The following PHYHIPL variants were observed in gnomAD, a reference collection of about 807,000 sequenced individuals.
PHYHIPL encodes phytanoyl-CoA 2-hydroxylase interacting protein like, also known as phytanoyl-CoA hydroxylase-interacting protein-like.
A neutral mutation model predicts 33.4 loss-of-function variants in PHYHIPL; 9 were observed. The observed-to-expected ratio is 0.27, with a 90% CI of 0.16 to 0.47. The LOEUF (loss-of-function observed/expected upper bound fraction) is 0.47, where lower values mean the gene tolerates loss of function less well. Ranked by LOEUF, PHYHIPL falls within the 20% of genes least tolerant of loss-of-function variation. The probability of loss-of-function intolerance (pLI) is 0.99; values close to 1 mark genes in which losing one functional copy is unlikely to be tolerated. For missense variants in PHYHIPL, 365 were observed against 460.7 expected, an observed-to-expected ratio of 0.79 and a Z score of 1.90; for synonymous variants, 153 against 154.1, an observed-to-expected ratio of 0.99 and a Z score of 0.05.
intron 1 of PHYHIPL, among the ~76,000 whole-genome samples, chr10:59,200,518 CTTTT>C (rs1486553484): frequency 6.6e-6 from 1 of 152,062 alleles, no homozygotes; most frequent in African/African-American, 2.4e-5. Flanking sequence ...CTGAAATTCT[CTTTT>C]TTGATTTTGT....
chr10:59,194,509 G>A (rs1258285257), intron 1 of PHYHIPL, among the ~76,000 whole-genome samples: 1 of 152,076 alleles, frequency 6.6e-6, no homozygotes, highest in African/African-American at 2.4e-5. Context: ...TAATGTGTGT[G>A]TATTTATTTT....
chr10:59,187,300 C>T (rs1187398325), intron 1 of PHYHIPL, among the ~76,000 whole-genome samples: 3 of 152,176 alleles, frequency 2.0e-5, no homozygotes, highest in Non-Finnish European at 2.9e-5. Context: ...AGCCTTGCAT[C>T]CCAGGGATGA....
intron 3 of PHYHIPL, 140 bp from the exon 4 acceptor site, chr10:59,238,448 T>G: frequency 2.2e-6 from 1 of 453,256 alleles, no homozygotes; most frequent in East Asian, 3.2e-5. Flanking sequence ...ACAATGAATA[T>G]TTTCTTTTTT....
At chr10:59,177,031 C>T in intron 1 of PHYHIPL, 72 bp downstream of exon 1, 1 of 1,318,498 alleles carries the variant, frequency 7.6e-7, no homozygotes, top group East Asian at 2.4e-5. Context: ...CTGGCTCCGC[C>T]GACGCCGCTC....
chr10:59,232,433 A>G (rs1427190040), intron 1 of PHYHIPL, among the ~76,000 whole-genome samples: 2 of 151,836 alleles, frequency 1.3e-5, no homozygotes, highest in Non-Finnish European at 3.0e-5. Context: ...TTCGCTTATA[A>G]TAACAGTAAC....
intron 1 of PHYHIPL, among the ~76,000 whole-genome samples, chr10:59,230,373 C>A (rs556256137): frequency 5.5e-4 from 84 of 152,092 alleles, no homozygotes; most frequent in African/African-American, 1.8e-3. Context: ...GCCACCACAT[C>A]TGGCTAATTT....
At chr10:59,198,036 A>G (rs1205833416) in intron 1 of PHYHIPL, among the ~76,000 whole-genome samples, 1 of 151,852 alleles carries the variant, frequency 6.6e-6, no homozygotes, top group Non-Finnish European at 1.5e-5. Flanking sequence ...TTTTTTAAGT[A>G]TTTCTAAAGC....
At chr10:59,187,228 G>GT (rs1438233270) in intron 1 of PHYHIPL, among the ~76,000 whole-genome samples, 1 of 152,102 alleles carries the variant, frequency 6.6e-6, no homozygotes, top group Non-Finnish European at 1.5e-5. Flanking sequence ...TAATCATGTG[G>GT]TTTTTATCTT....
Position 59,177,480 on chromosome 10 carries a change from C to A in PHYHIPL, c.106+521C>A, listed in dbSNP as rs1413624988. Reference sequence around the variant, plus strand: ...GCCTCTTGGATTGGGATTAGGATGACAGTTTTTCAGTGAGGGCGCAGAAAA... The same window carrying A: ...GCCTCTTGGATTGGGATTAGGATGAAAGTTTTTCAGTGAGGGCGCAGAAAA... On this transcript the variant is annotated intron_variant, in intron 1 of 4. Coordinates refer to ENST00000373880, the MANE Select transcript of PHYHIPL (RefSeq NM_032439.4). 4.5e-6 allele frequency: 7 copies of A among 1,547,672 alleles called. No individual in the cohort carries two copies. In the South Asian group the frequency reaches 8.4e-5, roughly 19 times the overall value.
intron 1 of PHYHIPL, among the ~76,000 whole-genome samples, chr10:59,191,153 T>G (rs1838773913): frequency 6.6e-6 from 1 of 151,952 alleles, no homozygotes; most frequent in Non-Finnish European, 1.5e-5. Flanking sequence ...TTACGATTTC[T>G]GAATTTACCT....
At position 59,184,814 on chromosome 10, in the gene PHYHIPL, A is replaced by G. The variant is rs1255754042; in HGVS notation, c.106+7855A>G. 2.4e-5 allele frequency among the ~76,000 whole-genome samples: 3 copies of G among 126,818 alleles called. No homozygotes were observed. In the East Asian group the frequency reaches 7.4e-4, roughly 31 times the overall value. The allele number at this position is 126,818 out of a possible 152,430, so 83.2% of individuals were successfully genotyped here. On this transcript the variant is annotated intron_variant, in intron 1 of 4. Transcript: ENST00000373880. ...CCCTCCCCCCCTCCCCCAACCCCACAACAGACCCAGGTGTGTGATGTTCCC... is the reference window on the plus strand; with the variant it reads ...CCCTCCCCCCCTCCCCCAACCCCACGACAGACCCAGGTGTGTGATGTTCCC...
rs1358978238 is a variant in PHYHIPL at position 59,224,869 on chromosome 10, G to A, written c.107-9435G>A. Among the ~76,000 whole-genome samples, 4 of 151,990 alleles carry A rather than the reference G, an allele frequency of 2.6e-5. No individual in the cohort carries two copies. The East Asian group carries it at 7.8e-4, about 30-fold the overall frequency. On this transcript the variant is annotated intron_variant, in intron 1 of 4. Coordinates refer to ENST00000373880, the MANE Select transcript of PHYHIPL (RefSeq NM_032439.4). ...GAGAAATATTGACTAGACCTCTAAA[G>A]CCATACTCAGAAAGAGGAGTATATA... is the stretch of plus-strand genomic sequence containing the variant.
chr10:59,221,836 G>T lies in PHYHIPL; in HGVS notation c.107-12468G>T, dbSNP rs562747706. On this transcript the variant is annotated intron_variant, in intron 1 of 4. Coordinates refer to ENST00000373880, the MANE Select transcript of PHYHIPL (RefSeq NM_032439.4). ...TGGGCTTCAGAGTCTGAAGTTCCAG[G>T]ATGGTAATATTCCTTGCTATTGACC... is the stretch of plus-strand genomic sequence containing the variant. 1.1e-4 allele frequency among the ~76,000 whole-genome samples: 17 copies of T among 152,136 alleles called. No individual in the cohort carries two copies. In the South Asian group the frequency reaches 3.5e-3, roughly 32 times the overall value.
intron 1 of PHYHIPL, among the ~76,000 whole-genome samples, chr10:59,216,207 T>G (rs1839609176): frequency 6.6e-6 from 1 of 152,062 alleles, no homozygotes; most frequent in South Asian, 2.1e-4. Context: ...AGTTTAAAAT[T>G]TAGTTCTTAG....
At chr10:59,208,496 C>T (rs1564708968) in intron 1 of PHYHIPL, among the ~76,000 whole-genome samples, 6 of 152,082 alleles carry the variant, frequency 3.9e-5, no homozygotes, top group Non-Finnish European at 1.5e-5. Context: ...CTGAAAGTTC[C>T]AAAAACCAGA....
At chr10:59,199,292 A>C (rs1423699129) in intron 1 of PHYHIPL, among the ~76,000 whole-genome samples, 2 of 152,196 alleles carry the variant, frequency 1.3e-5, no homozygotes, top group Non-Finnish European at 2.9e-5. Flanking sequence ...CAGTTTTCCC[A>C]GCACCATTTA....
upstream of PHYHIPL, among the ~76,000 whole-genome samples, chr10:59,176,204 CAG>C (rs1838245742): frequency 6.6e-6 from 1 of 152,314 alleles, no homozygotes; most frequent in South Asian, 2.1e-4. Context: ...CAATACCGTA[CAG>C]AGAGTCCGAA....
intron 1 of PHYHIPL, among the ~76,000 whole-genome samples, chr10:59,210,326 A>C (rs1007984445): frequency 2.6e-5 from 4 of 152,224 alleles, no homozygotes; most frequent in Admixed American, 1.3e-4. Context: ...GATGAAAAAA[A>C]GCTCATCATC....
chr10:59,175,946 C>A (rs1742468537), upstream of PHYHIPL, among the ~76,000 whole-genome samples: 1 of 152,244 alleles, frequency 6.6e-6, no homozygotes, highest in Admixed American at 6.5e-5. Flanking sequence ...AGCATGTCTG[C>A]CGCCTTTTCA....
Sources: gnomAD v4.1 joint callset for allele counts (sites outside exome capture counted in the v4.1 genomes callset) on GRCh38, gnomAD v4.1.1 for gene constraint, MANE v1.5 for transcripts, NCBI Gene and HGNC (gene_info 2026-07-23, HGNC 2026-07-21) for gene names.